YWHAE: variants seen among roughly 807,000 people sequenced by gnomAD.
The protein encoded by YWHAE is tyrosine 3-monooxygenase/tryptophan 5-monooxygenase activation protein epsilon.
Under a neutral mutation model 30.1 loss-of-function variants are expected in YWHAE, and 4 were observed. The observed-to-expected ratio is 0.13, with a 90% CI of 0.07 to 0.30. YWHAE has a LOEUF of 0.30. Ranked by LOEUF, YWHAE falls within the 10% of genes least tolerant of loss-of-function variation. YWHAE has a pLI of 1.00. For synonymous variants in YWHAE, 118 were observed against 111.8 expected (o/e 1.06, Z -0.35); for missense variants, 121 against 315.9 (o/e 0.38, Z 4.68).
intron 1 of YWHAE, among the ~76,000 whole-genome samples, chr17:1,376,619 C>T (rs1222172317): frequency 6.6e-6 from 1 of 152,072 alleles, no homozygotes; most frequent in Non-Finnish European, 1.5e-5. Context: ...AGTTTCATAC[C>T]TCTAATATCT....
intron 1 of YWHAE, among the ~76,000 whole-genome samples, chr17:1,367,656 G>T (rs1212361775): frequency 6.6e-6 from 1 of 152,120 alleles, no homozygotes; most frequent in East Asian, 1.9e-4. Context: ...TCTGTGTCCA[G>T]AAAGAGAAGA....
chr17:1,370,659 G>C (rs2073026614), intron 1 of YWHAE, among the ~76,000 whole-genome samples: 1 of 152,044 alleles, frequency 6.6e-6, no homozygotes, highest in Admixed American at 6.6e-5. Context: ...TTAAACTCCT[G>C]ACCTCAGGTG....
intron 1 of YWHAE, among the ~76,000 whole-genome samples, chr17:1,385,944 TCAAG>T (rs905536324): frequency 1.4e-4 from 22 of 152,112 alleles, no homozygotes; most frequent in African/African-American, 5.3e-4. Flanking sequence ...AAAGAAAGCC[TCAAG>T]CAGTCTGGAC....
At chr17:1,362,143 TC>T in intron 2 of YWHAE, 135 bp from the exon 3 acceptor site, 1 of 554,114 alleles carries the variant, frequency 1.8e-6, no homozygotes, top group Non-Finnish European at 3.1e-6. Flanking sequence ...ACTCCCTTCT[TC>T]CTTCTTGACA....
Position 1,357,206 on chromosome 17 carries a change from A to T in YWHAE, c.579-2859T>A, listed in dbSNP as rs567109050. On this transcript the variant is annotated intron_variant, in intron 4 of 5. Transcript: ENST00000264335. ...ATCACGAGGTCAGGAGATCGAGACCATCCTGGCTAACACGGTGAAACCCCA... is the reference window on the plus strand; with the variant it reads ...ATCACGAGGTCAGGAGATCGAGACCTTCCTGGCTAACACGGTGAAACCCCA... 2.7e-4 allele frequency among the ~76,000 whole-genome samples: 41 copies of T among 151,910 alleles called. No individual in the cohort carries two copies. In the East Asian group the frequency reaches 7.8e-3, roughly 29 times the overall value.
chr17:1,363,783 C>G (rs1194757318), intron 2 of YWHAE, among the ~76,000 whole-genome samples: 1 of 152,028 alleles, frequency 6.6e-6, no homozygotes, highest in Non-Finnish European at 1.5e-5. Flanking sequence ...CCTTCCCTCC[C>G]CCAACCAACC....
At chr17:1,351,650 G>A (rs1415129841) in intron 5 of YWHAE, among the ~76,000 whole-genome samples, 2 of 152,124 alleles carry the variant, frequency 1.3e-5, no homozygotes, top group African/African-American at 2.4e-5. Context: ...CTTCCCTGAA[G>A]AGATGGCATC....
chr17:1,364,029 TG>T (rs2072904766), intron 2 of YWHAE, among the ~76,000 whole-genome samples: 1 of 152,192 alleles, frequency 6.6e-6, no homozygotes, highest in African/African-American at 2.4e-5. Flanking sequence ...AAACGTTCTC[TG>T]AAGTACAAAA....
chr17:1,384,099 G>T (rs1256582713), intron 1 of YWHAE, among the ~76,000 whole-genome samples: 1 of 152,182 alleles, frequency 6.6e-6, no homozygotes, highest in Non-Finnish European at 1.5e-5. Context: ...CAGCCACTCG[G>T]GAAGATGAGG....
intron 1 of YWHAE, chr17:1,399,715 C>G (rs1056789510): frequency 1.6e-5 from 8 of 496,988 alleles, no homozygotes; most frequent in Admixed American, 1.4e-4. Context: ...GAGGGTGGCT[C>G]GTTCGGAGAC....
At chr17:1,348,752 A>C (rs574021372) in intron 5 of YWHAE, among the ~76,000 whole-genome samples, 2 of 152,228 alleles carry the variant, frequency 1.3e-5, no homozygotes, top group African/African-American at 2.4e-5. Flanking sequence ...GGCCGGGAAC[A>C]GTGGCTCACG....
intron 1 of YWHAE, among the ~76,000 whole-genome samples, chr17:1,371,599 G>C (rs1165427499): frequency 1.3e-5 from 2 of 152,140 alleles, no homozygotes; most frequent in Non-Finnish European, 2.9e-5. Context: ...AATGAGCACT[G>C]GTTTCAATTT....
intron 1 of YWHAE, among the ~76,000 whole-genome samples, chr17:1,380,660 G>A (rs1298624958): frequency 6.6e-6 from 1 of 152,170 alleles, no homozygotes; most frequent in African/African-American, 2.4e-5. Flanking sequence ...GTGTTAATGT[G>A]CCTGATGTAG....
intron 1 of YWHAE, among the ~76,000 whole-genome samples, chr17:1,379,879 C>T (rs757527342): frequency 8.5e-5 from 13 of 152,118 alleles, no homozygotes; most frequent in South Asian, 2.1e-4. Flanking sequence ...GTGTTCAGTA[C>T]GGTGAAAGAA....
chr17:1,361,061 C>G lies in YWHAE; in HGVS notation c.578+31G>C, dbSNP rs761290642. The G allele has an allele frequency of 4.4e-6, 7 of 1,600,096 alleles. No individual in the cohort carries two copies. The Admixed American group carries it at 1.2e-4, about 27-fold the overall frequency. ...AACAGCGCCCCCCTTAACTTTCACG[C>G]TGAGCGCTGCTGTTCTTCCCCACAA... On this transcript the variant is annotated intron_variant, in intron 4 of 5. Coordinates refer to ENST00000264335, the MANE Select transcript of YWHAE (RefSeq NM_006761.5).
intron 1 of YWHAE, among the ~76,000 whole-genome samples, chr17:1,368,581 A>G (rs1164334829): frequency 7.1e-6 from 1 of 141,322 alleles, no homozygotes. Context: ...AAAAAAAAAA[A>G]GTATTACAAT....
chr17:1,379,469 A>G (rs996330470), intron 1 of YWHAE, among the ~76,000 whole-genome samples: 2 of 152,204 alleles, frequency 1.3e-5, no homozygotes, highest in East Asian at 1.9e-4. Context: ...TGGGCAAAGA[A>G]AGCAAGACTC....
intron 4 of YWHAE, among the ~76,000 whole-genome samples, chr17:1,358,395 A>G (rs1202594635): frequency 1.3e-5 from 2 of 152,074 alleles, no homozygotes; most frequent in East Asian, 2.0e-4. Flanking sequence ...GCCCGCCACC[A>G]CGCCCGGCTG....
At position 1,354,257 on chromosome 17, in the gene YWHAE, C is replaced by T; in HGVS notation, c.669G>A (p.Leu223=). The change falls in exon 5 of 6, where the codon TTG becomes TTA. Residue 223 remains leucine, a synonymous_variant. Transcript: ENST00000264335. The part of the protein sequence containing the change: ...SYKDSTLIMQ[L]LRDNLTLWTS... ...TCCATAGTGTCAGATTATCACGTAA[C>T]AACTGCATGATAAGTGTAGAGTCCT... 6.2e-7 allele frequency: 1 copy of T among 1,614,122 alleles called. No homozygotes were observed. The highest frequency in any genetic ancestry group is 1.7e-5 in the Admixed American group (1 of 60,004).
Sources: gnomAD v4.1 joint callset for allele counts (sites outside exome capture counted in the v4.1 genomes callset) on GRCh38, gnomAD v4.1.1 for gene constraint, MANE v1.5 for transcripts, NCBI Gene and HGNC (gene_info 2026-07-23, HGNC 2026-07-21) for gene names.